The following DOCK3 variants were observed in gnomAD, a reference collection of about 807,000 sequenced individuals.
DOCK3 encodes the protein dedicator of cytokinesis protein 3.
Under a neutral mutation model 265.6 loss-of-function variants are expected in DOCK3, and 60 were observed. The ratio of observed to expected loss-of-function variants is 0.23; its 90% CI spans 0.18 to 0.28. DOCK3 has a LOEUF of 0.28. DOCK3 is among the 10% of genes least tolerant of loss of function. DOCK3 has a pLI of 1.00. For missense variants in DOCK3, 1,981 were observed against 2,594.3 expected, an observed-to-expected ratio of 0.76 and a Z score of 5.14; for synonymous variants, 881 against 938.0, an observed-to-expected ratio of 0.94 and a Z score of 1.11.
intron 6 of DOCK3, among the ~76,000 whole-genome samples, chr3:51,073,537 T>C (rs955277760): frequency 1.3e-5 from 2 of 152,232 alleles, no homozygotes; most frequent in African/African-American, 4.8e-5. Context: ...TACAGTTTCA[T>C]AGATTTAAAT....
intron 2 of DOCK3, among the ~76,000 whole-genome samples, chr3:50,819,304 C>T (rs921570596): frequency 6.6e-6 from 1 of 152,160 alleles, no homozygotes; most frequent in Non-Finnish European, 1.5e-5. Flanking sequence ...TATTCCTGTG[C>T]TGCCTGTAGC....
chr3:51,249,978 C>A (rs2079110993), intron 22 of DOCK3, among the ~76,000 whole-genome samples: 1 of 151,862 alleles, frequency 6.6e-6, no homozygotes, highest in Admixed American at 6.5e-5. Flanking sequence ...ACCTTACCCC[C>A]AACCCTGTGC....
At chr3:51,071,776 A>T (rs750021371) in intron 6 of DOCK3, among the ~76,000 whole-genome samples, 7 of 152,168 alleles carry the variant, frequency 4.6e-5, no homozygotes, top group Non-Finnish European at 1.0e-4. Context: ...CATTCCCTGC[A>T]TTCGATGTTC....
At chr3:50,773,995 G>A (rs2041439886) in intron 1 of DOCK3, among the ~76,000 whole-genome samples, 1 of 152,010 alleles carries the variant, frequency 6.6e-6, no homozygotes, top group South Asian at 2.1e-4. Context: ...AACATTTACA[G>A]ATTTATAATG....
intron 33 of DOCK3, 144 bp from the exon 34 acceptor site, chr3:51,332,857 C>CTA: frequency 1.1e-6 from 1 of 944,490 alleles, no homozygotes; most frequent in Non-Finnish European, 1.7e-6. Flanking sequence ...CAGTGTATGC[C>CTA]TAAGGTGGCT....
In DOCK3 at chr3:50,906,909, C is replaced by T. The variant is rs560172108; in HGVS notation, c.218+16828C>T. Reference sequence around the variant, plus strand: ...TGGGCATTTAGTGCTATAAATTTCCCTCTACACACTGCTTTGAATGTGTCC... The same window carrying T: ...TGGGCATTTAGTGCTATAAATTTCCTTCTACACACTGCTTTGAATGTGTCC... On this transcript the variant is annotated intron_variant, in intron 4 of 52. Transcript: ENST00000266037. 1.2e-4 allele frequency among the ~76,000 whole-genome samples: 19 copies of T among 152,212 alleles called. No homozygotes were observed. The East Asian group carries it at 3.7e-3, about 29-fold the overall frequency.
At chr3:51,074,995 C>T (rs1288910729) in intron 6 of DOCK3, among the ~76,000 whole-genome samples, 1 of 152,030 alleles carries the variant, frequency 6.6e-6, no homozygotes, top group Non-Finnish European at 1.5e-5. Context: ...TAATGCATAA[C>T]TAAACCTTGA....
intron 10 of DOCK3, among the ~76,000 whole-genome samples, chr3:51,158,778 T>A (rs2085985182): frequency 2.0e-5 from 3 of 152,232 alleles, no homozygotes. Context: ...GTGGAACAAC[T>A]TCGTGTGTAA....
At chr3:50,743,083 A>G (rs2108247316) in intron 1 of DOCK3, among the ~76,000 whole-genome samples, 1 of 152,032 alleles carries the variant, frequency 6.6e-6, no homozygotes. Flanking sequence ...TTTCATATCC[A>G]GCCAAACTAA....
chr3:51,228,918 A>C, intron 18 of DOCK3, 86 bp downstream of exon 18: 1 of 1,448,052 alleles, frequency 6.9e-7, no homozygotes, highest in East Asian at 2.3e-5. Context: ...GGGAGAGATA[A>C]ATTATTCCTT....
chr3:51,055,356 T>G (rs2081157389), intron 5 of DOCK3, among the ~76,000 whole-genome samples: 1 of 152,190 alleles, frequency 6.6e-6, no homozygotes, highest in African/African-American at 2.4e-5. Context: ...ATCTTACTGA[T>G]TTCTTCCCTG....
intron 9 of DOCK3, among the ~76,000 whole-genome samples, chr3:51,125,317 G>A (rs1365156279): frequency 6.6e-6 from 1 of 152,060 alleles, no homozygotes; most frequent in Non-Finnish European, 1.5e-5. Flanking sequence ...TCCCAGTTGT[G>A]TACTTTAAAA....
At chr3:51,326,010 A>G (rs1474470814) in intron 32 of DOCK3, among the ~76,000 whole-genome samples, 2 of 151,772 alleles carry the variant, frequency 1.3e-5, no homozygotes, top group African/African-American at 2.4e-5. Flanking sequence ...AGGTATACCT[A>G]TGTAACAAAA....
chr3:50,888,455 A>G (rs1454900178), intron 3 of DOCK3, among the ~76,000 whole-genome samples: 1 of 152,192 alleles, frequency 6.6e-6, no homozygotes, highest in Non-Finnish European at 1.5e-5. Flanking sequence ...TTATAGATTC[A>G]ATGCCATCCT....
At chr3:50,814,518 G>T (rs2043956441) in intron 2 of DOCK3, among the ~76,000 whole-genome samples, 1 of 151,848 alleles carries the variant, frequency 6.6e-6, no homozygotes, top group South Asian at 2.1e-4. Context: ...TGCCTGCCTT[G>T]GCCTCCTAAA....
chr3:50,729,986 T>G (rs1034424448), intron 1 of DOCK3, among the ~76,000 whole-genome samples: 19 of 151,864 alleles, frequency 1.3e-4, no homozygotes, highest in Non-Finnish European at 1.3e-4. Flanking sequence ...ACCCAGCTAA[T>G]TTTTGTATTT....
chr3:50,694,791 G>A (rs1401861213), intron 1 of DOCK3, among the ~76,000 whole-genome samples: 1 of 152,020 alleles, frequency 6.6e-6, no homozygotes, highest in East Asian at 1.9e-4. Context: ...CAGCCTGGGC[G>A]GCAGAGCCAG....
At chr3:50,966,766 A>G (rs1361848235) in intron 5 of DOCK3, among the ~76,000 whole-genome samples, 5 of 152,070 alleles carry the variant, frequency 3.3e-5, no homozygotes, top group Non-Finnish European at 5.9e-5. Flanking sequence ...ACTAACATGG[A>G]TGTTAGTATG....
intron 5 of DOCK3, among the ~76,000 whole-genome samples, chr3:50,969,997 G>A (rs1252085468): frequency 5.3e-5 from 8 of 152,188 alleles, no homozygotes; most frequent in African/African-American, 9.6e-5. Context: ...GTGTAAACCC[G>A]GGAGGCGGAG....
Sources: allele counts gnomAD v4.1 joint callset (sites outside exome capture counted in the v4.1 genomes callset), GRCh38; gene constraint gnomAD v4.1.1; transcripts MANE v1.5; gene names NCBI Gene and HGNC (gene_info 2026-07-23, HGNC 2026-07-21).